Variants in ITPR1 observed in about 807,000 individuals in gnomAD.
ITPR1 encodes the protein inositol 1,4,5-trisphosphate-gated calcium channel ITPR1.
In ITPR1, 96 loss-of-function variants were observed where a neutral mutation model predicts 318.4. The observed-to-expected ratio is 0.30, with a 90% CI of 0.26 to 0.36. ITPR1 has a LOEUF of 0.36. Among genes scored for constraint, ITPR1 ranks in the 10% least tolerant of loss-of-function variants. ITPR1 has a pLI of 1.00. For synonymous variants in ITPR1, 1,312 were observed against 1,289.9 expected (o/e 1.02, Z -0.37); for missense variants, 2,440 against 3,460.2 (o/e 0.71, Z 7.40).
In ITPR1 at chr3:4,644,248, G is replaced by A. The variant is rs765010168; in HGVS notation, c.624+14G>A. 1 of 1,559,520 alleles carries A rather than the reference G, an allele frequency of 6.4e-7. No homozygotes were observed. The highest frequency in any genetic ancestry group is 1.2e-5 in the South Asian group (1 of 86,810). On this transcript the variant is annotated intron_variant, in intron 8 of 61. Transcript: ENST00000649015. The stretch of plus-strand genomic sequence containing the variant: ...GGCTGCAATGAGGTAAGGACATTGA[G>A]TTATGTGTGTGGGTGTGGTTATCCT...
rs188760956 is a variant in ITPR1, at chr3:4,787,867, G to A, written c.6616-80G>A. 6.7e-5 allele frequency: 64 copies of A among 956,396 alleles called. No individual in the cohort carries two copies. In the East Asian group the frequency reaches 1.0e-3, roughly 16 times the overall value. The allele number at this position is 956,396 out of a possible 1,614,324, so 59.2% of individuals were successfully genotyped here. On this transcript the variant is annotated intron_variant, in intron 51 of 61. Coordinates refer to ENST00000649015, the MANE Select transcript of ITPR1 (RefSeq NM_001378452.1). ...CATATTATACTCAATCTTGACCACC[G>A]AGTCTACCACCAGTAGCAAATAGTC... is the stretch of plus-strand genomic sequence containing the variant.
chr3:4,670,297 G>A (rs147901616), intron 19 of ITPR1, among the ~76,000 whole-genome samples: 101 of 152,354 alleles, frequency 6.6e-4, no homozygotes, highest in Middle Eastern at 6.8e-3. Flanking sequence ...CTGAGCTAGT[G>A]ATACTTCATT....
chr3:4,647,540 ACCATTTTACATTCCCAC>A (rs1453616815), intron 10 of ITPR1, among the ~76,000 whole-genome samples: 1 of 152,202 alleles, frequency 6.6e-6, no homozygotes, highest in Non-Finnish European at 1.5e-5. Flanking sequence ...AAGTGATTGG[ACCATTTTACATTCCCAC>A]AAGTAATGTG....
chr3:4,590,446 C>G (rs188831844), intron 4 of ITPR1, among the ~76,000 whole-genome samples: 58 of 151,088 alleles, frequency 3.8e-4, no homozygotes, highest in African/African-American at 1.4e-3. Context: ...CTGAGTTGGC[C>G]CTGGTTGGAC....
chr3:4,745,415 T>G (rs1408929325), intron 44 of ITPR1, among the ~76,000 whole-genome samples: 1 of 152,168 alleles, frequency 6.6e-6, no homozygotes, highest in African/African-American at 2.4e-5. Context: ...GATTACAGAC[T>G]TTGGATCTGT....
chr3:4,695,625 T>C (rs1349855108), intron 33 of ITPR1, among the ~76,000 whole-genome samples: 1 of 152,216 alleles, frequency 6.6e-6, no homozygotes, highest in African/African-American at 2.4e-5. Context: ...TGCTTTTCTG[T>C]ATACATCCCT....
At chr3:4,784,135 C>CTCAT (rs2047011440) in intron 51 of ITPR1, among the ~76,000 whole-genome samples, 2 of 152,260 alleles carry the variant, frequency 1.3e-5, no homozygotes, top group East Asian at 3.9e-4. Flanking sequence ...TGAGCAACCT[C>CTCAT]TCATTCCTCA....
intron 2 of ITPR1, among the ~76,000 whole-genome samples, chr3:4,498,160 A>C (rs1249646742): frequency 1.3e-5 from 2 of 152,222 alleles, no homozygotes; most frequent in Non-Finnish European, 2.9e-5. Flanking sequence ...ACTTAGTGCC[A>C]CTGAGTTATA....
At chr3:4,768,285 T>G (rs17041401) in intron 45 of ITPR1, 16 of 454,604 alleles carry the variant, frequency 3.5e-5, no homozygotes, top group African/African-American at 7.9e-5. Context: ...TGAAACACAC[T>G]GTACACGTAG....
intron 4 of ITPR1, among the ~76,000 whole-genome samples, chr3:4,563,821 A>G (rs1379834249): frequency 2.6e-5 from 4 of 152,154 alleles, no homozygotes; most frequent in Non-Finnish European, 4.4e-5. Context: ...AACTAATCCT[A>G]TATAGAGGTT....
intron 4 of ITPR1, among the ~76,000 whole-genome samples, chr3:4,565,411 A>G (rs535910654): frequency 1.9e-4 from 29 of 152,304 alleles, no homozygotes; most frequent in African/African-American, 7.0e-4. Flanking sequence ...GGTCCATTCA[A>G]TGCCTCCCTT....
At chr3:4,566,728 A>G (rs2087323641) in intron 4 of ITPR1, among the ~76,000 whole-genome samples, 1 of 151,410 alleles carries the variant, frequency 6.6e-6, no homozygotes, top group Non-Finnish European at 1.5e-5. Flanking sequence ...CCTTCCCTTC[A>G]TTGTTCCCAT....
At chr3:4,518,459 T>C (rs577354643) in intron 3 of ITPR1, among the ~76,000 whole-genome samples, 1 of 152,370 alleles carries the variant, frequency 6.6e-6, no homozygotes, top group Admixed American at 6.5e-5. Flanking sequence ...TTGAGATGAA[T>C]ACTTTATTTT....
intron 35 of ITPR1, among the ~76,000 whole-genome samples, 155 bp from the exon 36 acceptor site, chr3:4,702,675 C>G (rs1014882113): frequency 6.6e-6 from 1 of 152,186 alleles, no homozygotes. Context: ...CCAGGCATCC[C>G]CTCTCACCCT....
intron 4 of ITPR1, among the ~76,000 whole-genome samples, chr3:4,614,463 G>A (rs1044220224): frequency 1.3e-5 from 2 of 152,196 alleles, no homozygotes; most frequent in Admixed American, 6.5e-5. Flanking sequence ...TTCAAGCAAA[G>A]TAGTTTAATT....
intron 4 of ITPR1, among the ~76,000 whole-genome samples, chr3:4,551,576 T>C (rs2085571386): frequency 6.6e-6 from 1 of 152,236 alleles, no homozygotes; most frequent in African/African-American, 2.4e-5. Context: ...TTCTTGCTCA[T>C]GAATCAAGGT....
chr3:4,730,408 TG>T lies in ITPR1; in HGVS notation c.5221-2679del, dbSNP rs1370353648. Among the ~76,000 whole-genome samples, 984 of 146,282 alleles carry T rather than the reference TG, an allele frequency of 6.7e-3. 17 individuals carry two copies. Among genetic ancestry groups the T allele is most frequent in the Middle Eastern group, 0.021 (6 of 286 alleles). On this transcript the variant is annotated intron_variant, in intron 42 of 61. Coordinates refer to ENST00000649015, the MANE Select transcript of ITPR1 (RefSeq NM_001378452.1). ...GTGTGTGTGTGTGTGTGTGTGTGTG[TG>T]TGTGTGTGTGTTTCCCCCAGAATGA...
intron 41 of ITPR1, among the ~76,000 whole-genome samples, chr3:4,726,434 G>C (rs561228161): frequency 7.0e-4 from 106 of 152,192 alleles, no homozygotes; most frequent in Non-Finnish European, 1.3e-3. Flanking sequence ...TCATAGAGAA[G>C]CTTTTTGGGG....
At chr3:4,599,757 A>T (rs1193574579) in intron 4 of ITPR1, among the ~76,000 whole-genome samples, 1 of 152,204 alleles carries the variant, frequency 6.6e-6, no homozygotes, top group Non-Finnish European at 1.5e-5. Flanking sequence ...AGTGTGTTGG[A>T]CTTGACTTCC....
Sources: gnomAD v4.1 joint callset for allele counts (sites outside exome capture counted in the v4.1 genomes callset) on GRCh38, gnomAD v4.1.1 for gene constraint, MANE v1.5 for transcripts, NCBI Gene and HGNC (gene_info 2026-07-23, HGNC 2026-07-21) for gene names.